Variants in MFN1 observed in about 807,000 individuals in gnomAD.
The protein encoded by MFN1 is mitofusin-1.
In MFN1, 65 loss-of-function variants were observed where a neutral mutation model predicts 92.4. That is an observed-to-expected ratio of 0.70 (90% CI 0.58 to 0.86). The LOEUF is 0.86. Ranked by LOEUF, MFN1 falls within the 40% of genes least tolerant of loss-of-function variation. MFN1 has a pLI of 0.00. For missense variants in MFN1, 781 were observed against 868.0 expected, an observed-to-expected ratio of 0.90 and a Z score of 1.26; for synonymous variants, 297 against 300.9, an observed-to-expected ratio of 0.99 and a Z score of 0.13.
At chr3:179,374,385 T>G (rs1478385151) in intron 9 of MFN1, among the ~76,000 whole-genome samples, 1 of 132,180 alleles carries the variant, frequency 7.6e-6, no homozygotes, top group East Asian at 2.0e-4. Context: ...ATATAACATA[T>G]ATAACATATA....
chr3:179,378,585 A>G lies in MFN1; in HGVS notation c.1433A>G (p.Glu478Gly). The G allele has an allele frequency of 6.2e-7, 1 of 1,604,358 alleles. No individual in the cohort carries two copies. The highest frequency in any genetic ancestry group is 1.1e-5 in the South Asian group (1 of 90,142). Residue 478 changes from glutamate to glycine, a missense_variant and splice_region_variant, in exon 14 of 18, where the codon GAA (glutamate) becomes GGA (glycine). Glu to Gly is a moderately conservative substitution (Grantham distance 98, BLOSUM62 -2). Coordinates refer to ENST00000471841, the MANE Select transcript of MFN1 (RefSeq NM_033540.3). Reference protein sequence around the residue: ...LVLQTQQEIIENLKPLLPAGI... With the variant: ...LVLQTQQEIIGNLKPLLPAGI... ...AGTGTTGTAATTTTGTTCTTTCTAG[A>G]AAATTTGAAGCCATTACTTCCAGCT... is the stretch of plus-strand genomic sequence containing the variant.
chr3:179,356,265 G>T (rs1014258619), intron 3 of MFN1, among the ~76,000 whole-genome samples: 3 of 152,196 alleles, frequency 2.0e-5, no homozygotes, highest in African/African-American at 4.8e-5. Flanking sequence ...CAGGAAGGGT[G>T]GGGGAGGACA....
rs575020375 is a variant in MFN1, at chr3:179,393,613, G to C, written c.*1554G>C. The C allele has an allele frequency of 2.0e-5, 3 of 152,180 alleles. No individual in the cohort carries two copies. The highest frequency in any genetic ancestry group is 7.2e-5 in the African/African-American group (3 of 41,514). 9.4% of individuals were successfully genotyped at this position (152,180 alleles called of 1,614,324 possible). A position where few individuals can be genotyped will look rare whatever the true frequency, so the allele number is the denominator to read the frequency against. ...CAGTATACTAATGCAAATTAATTTT[G>C]GTGTTTAGCTTTTATTGCTCATTTA... is the stretch of plus-strand genomic sequence containing the variant. On this transcript the variant is annotated 3_prime_UTR_variant, in exon 18 of 18. Transcript: ENST00000471841.
chr3:179,391,955 G>A, intron 17 of MFN1, 26 bp from the exon 18 acceptor site: 2 of 1,424,650 alleles, frequency 1.4e-6, no homozygotes, highest in Non-Finnish European at 2.0e-6. Context: ...ATAGTAATTA[G>A]ATTGGTGTTT....
At chr3:179,375,112 T>C in intron 9 of MFN1, 108 bp from the exon 10 acceptor site, 1 of 1,245,088 alleles carries the variant, frequency 8.0e-7, no homozygotes, top group Non-Finnish European at 1.1e-6. Context: ...GTTTTCTATC[T>C]TTATTTCTGT....
intron 6 of MFN1, among the ~76,000 whole-genome samples, chr3:179,364,606 A>G (rs1457345751): frequency 1.3e-5 from 2 of 152,194 alleles, no homozygotes; most frequent in African/African-American, 4.8e-5. Flanking sequence ...GGATTTCTCT[A>G]GCAGTATAGG....
intron 7 of MFN1, among the ~76,000 whole-genome samples, chr3:179,365,703 A>G (rs954856324): frequency 6.6e-6 from 1 of 152,144 alleles, no homozygotes. Context: ...GAAATTATCC[A>G]TTTATCATGA....
At chr3:179,362,680 C>T (rs1712630036) in intron 5 of MFN1, among the ~76,000 whole-genome samples, 198 bp downstream of exon 5, 1 of 152,094 alleles carries the variant, frequency 6.6e-6, no homozygotes, top group South Asian at 2.1e-4. Context: ...GATTCCATTT[C>T]AAGAAATTTT....
chr3:179,371,442 G>A (rs1461159789), intron 9 of MFN1, among the ~76,000 whole-genome samples: 1 of 152,172 alleles, frequency 6.6e-6, no homozygotes, highest in Non-Finnish European at 1.5e-5. Context: ...GTTTGAGGCT[G>A]TGGTGATGGT....
intron 17 of MFN1, among the ~76,000 whole-genome samples, chr3:179,390,433 T>G (rs1489980114): frequency 6.6e-6 from 1 of 152,194 alleles, no homozygotes; most frequent in African/African-American, 2.4e-5. Context: ...GGCTATATTA[T>G]TCCCTTTTCA....
At chr3:179,352,088 CTGA>C in intron 3 of MFN1, 53 bp downstream of exon 3, 1 of 1,515,502 alleles carries the variant, frequency 6.6e-7, no homozygotes, top group Middle Eastern at 1.8e-4. Flanking sequence ...AGCTTTGTGT[CTGA>C]TGTTTCAACA....
chr3:179,378,276 T>C (rs781657750), intron 12 of MFN1, 65 bp from the exon 13 acceptor site: 1 of 1,213,122 alleles, frequency 8.2e-7, no homozygotes, highest in Admixed American at 2.2e-5. Context: ...GAATATTTTA[T>C]GTCTTTATAA....
At chr3:179,367,415 C>T (rs766160008) in intron 7 of MFN1, 24 bp from the exon 8 acceptor site, 1 of 1,574,446 alleles carries the variant, frequency 6.4e-7, no homozygotes, top group South Asian at 1.1e-5. Flanking sequence ...TATTAGAATT[C>T]TTTTAATACC....
chr3:179,350,926 G>A (rs931933636), intron 2 of MFN1, among the ~76,000 whole-genome samples: 2 of 151,986 alleles, frequency 1.3e-5, no homozygotes, highest in Admixed American at 6.6e-5. Context: ...GCACCATCTC[G>A]GCTCACTGCA....
At chr3:179,381,818 A>G (rs1713477460) in intron 14 of MFN1, among the ~76,000 whole-genome samples, 1 of 152,240 alleles carries the variant, frequency 6.6e-6, no homozygotes, top group South Asian at 2.1e-4. Flanking sequence ...CTTGGGTCCC[A>G]TCCTCAAGAT....
Position 179,371,047 on chromosome 3 carries a change from T to A in MFN1, c.975+2944T>A, listed in dbSNP as rs1231830453. On this transcript the variant is annotated intron_variant, in intron 9 of 17. Coordinates refer to ENST00000471841, the MANE Select transcript of MFN1 (RefSeq NM_033540.3). ...CTTTTTTTTGTAGTCGTGCAAGATT[T>A]TTTGTGAAAAGAAAAACTGTATCAA... Among the ~76,000 whole-genome samples, 10 of 152,324 alleles carry A rather than the reference T, an allele frequency of 6.6e-5. No individual in the cohort carries two copies. The South Asian group carries it at 1.9e-3, about 28-fold the overall frequency.
At chr3:179,372,120 T>C (rs1485956327) in intron 9 of MFN1, among the ~76,000 whole-genome samples, 3 of 147,310 alleles carry the variant, frequency 2.0e-5, no homozygotes, top group Non-Finnish European at 4.5e-5. Flanking sequence ...ATAAATATTA[T>C]ATATATATGC....
At chr3:179,391,849 A>C in intron 17 of MFN1, 132 bp from the exon 18 acceptor site, 1 of 594,384 alleles carries the variant, frequency 1.7e-6, no homozygotes, top group Non-Finnish European at 3.0e-6. Context: ...ATCCCGTGTA[A>C]GGTATGATTC....
intron 4 of MFN1, among the ~76,000 whole-genome samples, chr3:179,360,206 A>G (rs938887942): frequency 6.6e-6 from 1 of 152,152 alleles, no homozygotes; most frequent in Non-Finnish European, 1.5e-5. Context: ...GTGAACCACC[A>G]CGCCCGGCTG....
Sources: allele counts gnomAD v4.1 joint callset (sites outside exome capture counted in the v4.1 genomes callset), GRCh38; gene constraint gnomAD v4.1.1; transcripts MANE v1.5; gene names NCBI Gene and HGNC (gene_info 2026-07-23, HGNC 2026-07-21).